Variants in CCDC91 observed in about 807,000 individuals in gnomAD.
CCDC91 encodes the protein coiled-coil domain containing 91, also known as coiled-coil domain-containing protein 91.
A neutral mutation model predicts 63.2 loss-of-function variants in CCDC91; 48 were observed. The ratio of observed to expected loss-of-function variants is 0.76; its 90% CI spans 0.60 to 0.97. CCDC91 has a LOEUF of 0.97. CCDC91 is among the 50% of genes least tolerant of loss of function. The pLI is 0.00. For synonymous variants in CCDC91, 167 were observed against 165.8 expected, an observed-to-expected ratio of 1.01 and a Z score of -0.06; for missense variants, 500 against 494.6, an observed-to-expected ratio of 1.01 and a Z score of -0.10.
At chr12:28,405,555 G>A (rs1206446855) in intron 8 of CCDC91, among the ~76,000 whole-genome samples, 2 of 152,056 alleles carry the variant, frequency 1.3e-5, no homozygotes, top group Admixed American at 6.6e-5. Flanking sequence ...TCTTTGGCCA[G>A]ATCAAAAATG....
intron 3 of CCDC91, among the ~76,000 whole-genome samples, chr12:28,304,964 C>T (rs1038605008): frequency 6.6e-6 from 1 of 151,978 alleles, no homozygotes; most frequent in Admixed American, 6.6e-5. Flanking sequence ...TTTCTTAAAG[C>T]TAATTGAAAA....
chr12:28,208,511 A>C (rs1366980394), intron 1 of CCDC91, among the ~76,000 whole-genome samples: 4 of 152,206 alleles, frequency 2.6e-5, no homozygotes, highest in African/African-American at 9.7e-5. Context: ...TAAATGCTTC[A>C]GGGGCCCTCT....
intron 12 of CCDC91, among the ~76,000 whole-genome samples, chr12:28,502,209 A>G (rs946293715): frequency 3.9e-5 from 6 of 151,962 alleles, no homozygotes; most frequent in Non-Finnish European, 4.4e-5. Context: ...AAGTCTCCTT[A>G]AGCTGATAAG....
intron 12 of CCDC91, among the ~76,000 whole-genome samples, chr12:28,517,069 A>C (rs1940029965): frequency 6.6e-6 from 1 of 151,940 alleles, no homozygotes; most frequent in Non-Finnish European, 1.5e-5. Context: ...TATTTCACTA[A>C]TGTCTGTAAT....
At chr12:28,388,995 A>T (rs1945776331) in intron 7 of CCDC91, among the ~76,000 whole-genome samples, 1 of 152,214 alleles carries the variant, frequency 6.6e-6, no homozygotes, top group Non-Finnish European at 1.5e-5. Context: ...ATAAAAACAA[A>T]GATAAATAGG....
At chr12:28,509,795 A>G (rs1475937252) in intron 12 of CCDC91, among the ~76,000 whole-genome samples, 1 of 151,948 alleles carries the variant, frequency 6.6e-6, no homozygotes, top group Non-Finnish European at 1.5e-5. Context: ...TAAAATTTCT[A>G]TTTATTACAA....
chr12:28,404,497 T>A (rs1946815247), intron 8 of CCDC91, among the ~76,000 whole-genome samples: 1 of 152,114 alleles, frequency 6.6e-6, no homozygotes, highest in Non-Finnish European at 1.5e-5. Context: ...TATATAGACT[T>A]CCTTTATATT....
chr12:28,395,133 C>G (rs1206544235), intron 8 of CCDC91, among the ~76,000 whole-genome samples: 2 of 152,016 alleles, frequency 1.3e-5, no homozygotes, highest in African/African-American at 2.4e-5. Flanking sequence ...TGTCAAAGAA[C>G]CTTTACTTTT....
At chr12:28,315,581 T>G (rs1939775476) in intron 6 of CCDC91, among the ~76,000 whole-genome samples, 3 of 152,084 alleles carry the variant, frequency 2.0e-5, no homozygotes, top group Admixed American at 1.3e-4. Flanking sequence ...CTTATTTGAC[T>G]TCCTTAAATT....
chr12:28,374,086 A>T (rs1194527809), intron 7 of CCDC91, among the ~76,000 whole-genome samples: 1 of 152,148 alleles, frequency 6.6e-6, no homozygotes, highest in Non-Finnish European at 1.5e-5. Flanking sequence ...AATACACCCT[A>T]CTTAACAGAT....
chr12:28,223,542 C>T (rs1944084957), intron 1 of CCDC91, among the ~76,000 whole-genome samples: 1 of 152,130 alleles, frequency 6.6e-6, no homozygotes, highest in African/African-American at 2.4e-5. Context: ...CTCCTTTTGA[C>T]TGTCTCTTAA....
At chr12:28,450,614 T>C (rs1363540184) in intron 10 of CCDC91, among the ~76,000 whole-genome samples, 196 bp downstream of exon 10, 1 of 151,824 alleles carries the variant, frequency 6.6e-6, no homozygotes, top group Non-Finnish European at 1.5e-5. Flanking sequence ...AATGGTAGCA[T>C]TGAAATGCTT....
At chr12:28,396,248 A>G (rs1946278693) in intron 8 of CCDC91, among the ~76,000 whole-genome samples, 1 of 152,218 alleles carries the variant, frequency 6.6e-6, no homozygotes, top group African/African-American at 2.4e-5. Context: ...TTGAGAAAAT[A>G]TAAGTGTTAA....
At chr12:28,461,030 C>G (rs1221537312) in intron 11 of CCDC91, among the ~76,000 whole-genome samples, 1 of 151,856 alleles carries the variant, frequency 6.6e-6, no homozygotes, top group Non-Finnish European at 1.5e-5. Flanking sequence ...TAGTCTGTTG[C>G]TCCTAGGCTA....
chr12:28,278,044 G>A (rs1031297983), intron 3 of CCDC91, among the ~76,000 whole-genome samples: 3 of 151,844 alleles, frequency 2.0e-5, no homozygotes, highest in African/African-American at 4.8e-5. Flanking sequence ...CTCCATCTCC[G>A]CATGTTCAGA....
intron 12 of CCDC91, among the ~76,000 whole-genome samples, chr12:28,486,394 G>A (rs889456879): frequency 6.6e-6 from 1 of 152,048 alleles, no homozygotes; most frequent in African/African-American, 2.4e-5. Flanking sequence ...TGGATATTTA[G>A]TTATTTCCAC....
At position 28,217,162 on chromosome 12, in the gene CCDC91, A is replaced by G. The variant is rs1943616474; in HGVS notation, c.-15+26521A>G. 1.3e-5 allele frequency among the ~76,000 whole-genome samples: 2 copies of G among 152,172 alleles called. 1 individual carries two copies. Among genetic ancestry groups the G allele is most frequent in the African/African-American group, 4.8e-5 (2 of 41,466 alleles). ...ACTAGGAAATATGCAAAAATGAGCA[A>G]GATGGTAGTATTGTGGTACTGACAA... On this transcript the variant is annotated intron_variant, in intron 1 of 12. Coordinates refer to ENST00000536442, the MANE Select transcript of CCDC91 (RefSeq NM_018318.5).
At chr12:28,486,287 C>T (rs1951721737) in intron 12 of CCDC91, among the ~76,000 whole-genome samples, 1 of 152,158 alleles carries the variant, frequency 6.6e-6, no homozygotes, top group Admixed American at 6.6e-5. Context: ...CAAGGATCAT[C>T]CATGCTGTTC....
At chr12:28,314,928 C>G (rs902901588) in intron 6 of CCDC91, among the ~76,000 whole-genome samples, 1 of 151,788 alleles carries the variant, frequency 6.6e-6, no homozygotes, top group Non-Finnish European at 1.5e-5. Context: ...TTTCTTATTT[C>G]AAAGCTAATT....
Sources: allele counts gnomAD v4.1 joint callset (sites outside exome capture counted in the v4.1 genomes callset), GRCh38; gene constraint gnomAD v4.1.1; transcripts MANE v1.5; gene names NCBI Gene and HGNC (gene_info 2026-07-23, HGNC 2026-07-21).